The following ADCY9 variants were observed in gnomAD, a reference collection of about 807,000 sequenced individuals.
ADCY9 encodes the protein adenylate cyclase type 9.
Under a neutral mutation model 101.5 loss-of-function variants are expected in ADCY9, and 50 were observed. The observed-to-expected ratio is 0.49, with a 90% confidence interval of 0.39 to 0.62. The LOEUF is 0.62. Among genes scored for constraint, ADCY9 ranks in the 20% least tolerant of loss-of-function variants. The pLI is 0.00. For missense variants in ADCY9, 1,662 were observed against 1,800.4 expected (o/e 0.92, Z 1.39); for synonymous variants, 905 against 769.3 (o/e 1.18, Z -2.92).
chr16:4,065,363 T>A (rs554725306), intron 2 of ADCY9, among the ~76,000 whole-genome samples: 7 of 152,332 alleles, frequency 4.6e-5, no homozygotes, highest in Admixed American at 2.0e-4. Flanking sequence ...TTCGTTTCCT[T>A]TCAAATACTT....
downstream of ADCY9, among the ~76,000 whole-genome samples, chr16:3,958,051 C>G (rs1052090102): frequency 1.3e-5 from 2 of 152,080 alleles, no homozygotes; most frequent in African/African-American, 4.8e-5. Flanking sequence ...CTCCACTGTG[C>G]CAGGGCTGGG....
At chr16:4,069,637 C>T (rs1250075105) in intron 2 of ADCY9, among the ~76,000 whole-genome samples, 5 of 152,094 alleles carry the variant, frequency 3.3e-5, no homozygotes, top group African/African-American at 1.2e-4. Flanking sequence ...CAATTATATT[C>T]GTATCATTGA....
chr16:4,003,365 G>A (rs539801318), intron 3 of ADCY9, among the ~76,000 whole-genome samples: 39 of 152,234 alleles, frequency 2.6e-4, no homozygotes, highest in African/African-American at 8.4e-4. Flanking sequence ...GGCTCCGTCT[G>A]TGGTCACTGT....
At chr16:4,017,741 A>T (rs577467451) in intron 2 of ADCY9, among the ~76,000 whole-genome samples, 1 of 152,334 alleles carries the variant, frequency 6.6e-6, no homozygotes, top group East Asian at 1.9e-4. Flanking sequence ...AAAATTCAAC[A>T]TAGCAAAAGT....
intron 2 of ADCY9, among the ~76,000 whole-genome samples, chr16:4,037,639 T>C (rs904819190): frequency 2.0e-5 from 3 of 152,210 alleles, no homozygotes; most frequent in African/African-American, 7.2e-5. Context: ...ATTATTCTCA[T>C]ATAATTCTAA....
chr16:4,014,802 T>C (rs1301099681), intron 2 of ADCY9, among the ~76,000 whole-genome samples: 2 of 151,194 alleles, frequency 1.3e-5, no homozygotes, highest in Non-Finnish European at 3.0e-5. Flanking sequence ...TCCCTCCCGC[T>C]TCCCCACCCC....
At chr16:3,977,181 G>C (rs2056099088) in intron 9 of ADCY9, among the ~76,000 whole-genome samples, 1 of 152,176 alleles carries the variant, frequency 6.6e-6, no homozygotes. Context: ...TTAGATTCCA[G>C]CCCATTCATC....
intron 10 of ADCY9, among the ~76,000 whole-genome samples, chr16:3,970,488 G>C (rs1257982448): frequency 6.6e-6 from 1 of 151,996 alleles, no homozygotes; most frequent in African/African-American, 2.4e-5. Context: ...CACCATACTT[G>C]GCTAATTTTT....
chr16:4,044,798 G>T (rs2056651076), intron 2 of ADCY9, among the ~76,000 whole-genome samples: 1 of 152,138 alleles, frequency 6.6e-6, no homozygotes. Flanking sequence ...TCAGGACCTA[G>T]CTCTGAGGCC....
intron 2 of ADCY9, among the ~76,000 whole-genome samples, chr16:4,027,276 C>G (rs8055604): frequency 0.96 from 145,870 of 152,320 alleles, 70,056 homozygotes; most frequent in South Asian, 1. Context: ...TCGTTGCTTT[C>G]TTTGTGCATT....
In ADCY9 at chr16:4,097,278, C is replaced by G. The variant is rs1597223874; in HGVS notation, c.1693+16472G>C. Among the ~76,000 whole-genome samples the G allele has an allele frequency of 2.0e-5, 3 of 151,662 alleles. No individual in the cohort carries two copies. The East Asian group carries it at 5.9e-4, about 30-fold the overall frequency. The stretch of plus-strand genomic sequence containing the variant: ...TCCCAGGCACCATGCGCTGGTCAGC[C>G]CTCTCGGCCACCACCTTTGCTAGAG... On this transcript the variant is annotated intron_variant, in intron 2 of 10. Transcript: ENST00000294016.
intron 2 of ADCY9, among the ~76,000 whole-genome samples, chr16:4,072,240 G>C (rs528119891): frequency 6.6e-6 from 1 of 152,182 alleles, no homozygotes; most frequent in Non-Finnish European, 1.5e-5. Flanking sequence ...GATTACAAGA[G>C]CTGGATTACA....
chr16:4,072,453 T>C (rs1161092597), intron 2 of ADCY9, among the ~76,000 whole-genome samples: 2 of 152,156 alleles, frequency 1.3e-5, no homozygotes, highest in Non-Finnish European at 2.9e-5. Flanking sequence ...TACACATCCC[T>C]CTGAATCACC....
chr16:4,072,284 G>A (rs530628567), intron 2 of ADCY9, among the ~76,000 whole-genome samples: 4 of 152,336 alleles, frequency 2.6e-5, no homozygotes, highest in South Asian at 2.1e-4. Context: ...TAGCTCCATC[G>A]TGGATGCTAC....
At chr16:4,076,042 A>G (rs534223049) in intron 2 of ADCY9, among the ~76,000 whole-genome samples, 1 of 152,294 alleles carries the variant, frequency 6.6e-6, no homozygotes, top group East Asian at 1.9e-4. Context: ...CAAATGCAAA[A>G]TAACAGCTGG....
At chr16:4,095,814 A>G (rs1951983832) in intron 2 of ADCY9, among the ~76,000 whole-genome samples, 1 of 151,722 alleles carries the variant, frequency 6.6e-6, no homozygotes, top group Admixed American at 6.6e-5. Context: ...CCATCTCTAC[A>G]AAATACACAA....
downstream of ADCY9, among the ~76,000 whole-genome samples, chr16:3,960,504 A>G (rs973233712): frequency 3.9e-5 from 6 of 152,196 alleles, no homozygotes; most frequent in African/African-American, 7.2e-5. Context: ...CCTGGGCGAG[A>G]GAGCCAGACT....
At chr16:4,063,981 C>T (rs1033615672) in intron 2 of ADCY9, among the ~76,000 whole-genome samples, 1 of 152,064 alleles carries the variant, frequency 6.6e-6, no homozygotes, top group African/African-American at 2.4e-5. Context: ...ATTTAAAAGA[C>T]ACAGATTGGA....
downstream of ADCY9, among the ~76,000 whole-genome samples, chr16:3,962,391 C>T (rs1323279148): frequency 2.0e-5 from 3 of 152,182 alleles, no homozygotes; most frequent in Non-Finnish European, 1.5e-5. Flanking sequence ...TGCAACCTTA[C>T]TTTTATTGTT....
Sources: allele counts gnomAD v4.1 joint callset (sites outside exome capture counted in the v4.1 genomes callset), GRCh38; gene constraint gnomAD v4.1.1; transcripts MANE v1.5; gene names NCBI Gene and HGNC (gene_info 2026-07-23, HGNC 2026-07-21).